The following DNAJB6 variants were observed in gnomAD, a reference collection of about 807,000 sequenced individuals.
DNAJB6 encodes the protein dnaJ homolog subfamily B member 6.
DNAJB6 carries 16 observed loss-of-function variants against 42.7 expected under a neutral mutation model. That is an observed-to-expected ratio of 0.37 (90% CI 0.25 to 0.57). DNAJB6 has a LOEUF of 0.57. DNAJB6 is among the 20% of genes least tolerant of loss of function. DNAJB6 has a pLI of 0.74. For synonymous variants in DNAJB6, 170 were observed against 163.5 expected, an observed-to-expected ratio of 1.04 and a Z score of -0.30; for missense variants, 347 against 416.8, an observed-to-expected ratio of 0.83 and a Z score of 1.46.
At chr7:157,337,534 G>A (rs1266264098) in intron 1 of DNAJB6, 1 of 152,268 alleles carries the variant, frequency 6.6e-6, no homozygotes, top group Non-Finnish European at 1.5e-5. Flanking sequence ...CTTTTTCTAA[G>A]GCTCCCGCAC....
At chr7:157,366,363 T>A in intron 3 of DNAJB6, 139 bp from the exon 4 acceptor site, 1 of 712,564 alleles carries the variant, frequency 1.4e-6, no homozygotes, top group South Asian at 1.7e-5. Context: ...TTGTTTTGTT[T>A]TAAAGAAAAG....
intron 5 of DNAJB6, 28 bp from the exon 6 acceptor site, chr7:157,382,218 C>T (rs763581069): frequency 1.9e-6 from 3 of 1,558,340 alleles, no homozygotes; most frequent in Non-Finnish European, 2.6e-6. Flanking sequence ...AAAAAGACTT[C>T]ATAGTGTGTG....
At chr7:157,343,291 C>G (rs1798513016) in intron 1 of DNAJB6, among the ~76,000 whole-genome samples, 1 of 151,948 alleles carries the variant, frequency 6.6e-6, no homozygotes, top group Non-Finnish European at 1.5e-5. Flanking sequence ...TGCCGAGTAG[C>G]TGGGACTACA....
chr7:157,375,002 C>G (rs1327860109), intron 5 of DNAJB6, among the ~76,000 whole-genome samples: 1 of 152,192 alleles, frequency 6.6e-6, no homozygotes, highest in Non-Finnish European at 1.5e-5. Flanking sequence ...TTGTGGACAA[C>G]TCCAGAGATT....
intron 6 of DNAJB6, among the ~76,000 whole-genome samples, chr7:157,383,470 C>T (rs538831449): frequency 6.6e-6 from 1 of 152,234 alleles, no homozygotes; most frequent in Non-Finnish European, 1.5e-5. Flanking sequence ...CTCGATTGGA[C>T]CTCAGTTTTG....
At chr7:157,349,427 TGGGAAG>T (rs1798856680) in intron 1 of DNAJB6, among the ~76,000 whole-genome samples, 5 of 151,956 alleles carry the variant, frequency 3.3e-5, no homozygotes, top group Admixed American at 3.3e-4. Flanking sequence ...CCAAAGGTAA[TGGGAAG>T]GCAGGACCGT....
chr7:157,346,316 T>TAAAAAAAAAAAAAAAAAAA (rs60806134), intron 1 of DNAJB6, among the ~76,000 whole-genome samples: 1 of 117,732 alleles, frequency 8.5e-6, no homozygotes, highest in East Asian at 2.5e-4. Context: ...CAAGGAGTAG[T>TAAAAAAAAAAAAAAAAAAA]AAAAAAAAAA....
chr7:157,353,715 C>T (rs183841111), intron 1 of DNAJB6, among the ~76,000 whole-genome samples: 7 of 151,836 alleles, frequency 4.6e-5, no homozygotes, highest in East Asian at 1.9e-4. Flanking sequence ...GCTGGAATGC[C>T]GCGGTGCAGT....
chr7:157,358,703 C>T (rs138917872), intron 2 of DNAJB6, 66 bp downstream of exon 2: 47 of 1,277,076 alleles, frequency 3.7e-5, no homozygotes, highest in Middle Eastern at 3.7e-4. Flanking sequence ...AGTAGTATAA[C>T]TTCTTCTATT....
At chr7:157,393,009 G>A (rs1387926343) in intron 8 of DNAJB6, among the ~76,000 whole-genome samples, 1 of 152,000 alleles carries the variant, frequency 6.6e-6, no homozygotes, top group African/African-American at 2.4e-5. Flanking sequence ...TTGCTGTGTC[G>A]CCCAGGCTGG....
intron 1 of DNAJB6, among the ~76,000 whole-genome samples, chr7:157,338,664 C>T (rs1041326872): frequency 1.3e-5 from 2 of 152,206 alleles, no homozygotes; most frequent in East Asian, 3.8e-4. Context: ...TCCTGAGGGC[C>T]TTAAGCTCCC....
chr7:157,344,787 A>G (rs11971529), intron 1 of DNAJB6, among the ~76,000 whole-genome samples: 82,832 of 151,134 alleles, frequency 0.55, 23,012 homozygotes, highest in East Asian at 0.76. Flanking sequence ...CTGAGTTTTT[A>G]TATTTCGTAG....
intron 8 of DNAJB6, among the ~76,000 whole-genome samples, chr7:157,404,015 G>A (rs940596295): frequency 6.6e-6 from 1 of 151,956 alleles, no homozygotes; most frequent in African/African-American, 2.4e-5. Context: ...TACCCAGGCA[G>A]GAGTGCAGTG....
chr7:157,365,500 A>G (rs563256215), intron 3 of DNAJB6, among the ~76,000 whole-genome samples: 7 of 152,262 alleles, frequency 4.6e-5, no homozygotes, highest in African/African-American at 1.7e-4. Flanking sequence ...AGGCCCTGGC[A>G]TGTTTGTTTT....
At chr7:157,348,825 C>A (rs1302225143) in intron 1 of DNAJB6, among the ~76,000 whole-genome samples, 1 of 152,122 alleles carries the variant, frequency 6.6e-6, no homozygotes, top group Non-Finnish European at 1.5e-5. Context: ...TGACGTTCCA[C>A]CCTACTAACT....
chr7:157,393,096 C>T (rs1030941030), intron 8 of DNAJB6, among the ~76,000 whole-genome samples: 4 of 152,122 alleles, frequency 2.6e-5, no homozygotes, highest in Non-Finnish European at 5.9e-5. Flanking sequence ...GCCTCAGCCT[C>T]CCGAGTAGCT....
At chr7:157,397,618 C>T (rs1027285563) in intron 8 of DNAJB6, among the ~76,000 whole-genome samples, 1 of 152,382 alleles carries the variant, frequency 6.6e-6, no homozygotes, top group Admixed American at 6.5e-5. Flanking sequence ...CACCATCCCT[C>T]TCCCAGCTGG....
rs141909500 is a variant in DNAJB6 at position 157,405,610 on chromosome 7, T to A, written c.692-4185T>A. 6.6e-4 allele frequency among the ~76,000 whole-genome samples: 101 copies of A among 152,322 alleles called. No individual in the cohort carries two copies. In the East Asian group the frequency reaches 0.018, roughly 27 times the overall value. On this transcript the variant is annotated intron_variant, in intron 8 of 9. Transcript: ENST00000262177. ...CACTGCATGTGAGGCCTTGGGGGCA[T>A]GTCTGGAGAGCCTGTCATGGCGTGG...
At chr7:157,357,285 TCCGTCC>T (rs1799347396) in intron 1 of DNAJB6, among the ~76,000 whole-genome samples, 1 of 37,430 alleles carries the variant, frequency 2.7e-5, no homozygotes, top group African/African-American at 9.9e-5. Flanking sequence ...CGTCCTTCCT[TCCGTCC>T]TTCCTTCCTT....
Sources: allele counts gnomAD v4.1 joint callset (sites outside exome capture counted in the v4.1 genomes callset), GRCh38; gene constraint gnomAD v4.1.1; transcripts MANE v1.5; gene names NCBI Gene and HGNC (gene_info 2026-07-23, HGNC 2026-07-21).